MAPK11: variants seen among roughly 807,000 people sequenced by gnomAD.
MAPK11 encodes the protein MAP kinase 11.
In MAPK11, 44 loss-of-function variants were observed where a neutral mutation model predicts 52.2. The observed-to-expected ratio is 0.84, with a 90% CI of 0.66 to 1.08. The LOEUF is 1.08. MAPK11 is among the 50% of genes least tolerant of loss of function. The pLI is 0.00. For missense variants in MAPK11, 436 were observed against 494.7 expected, an observed-to-expected ratio of 0.88 and a Z score of 1.13; for synonymous variants, 233 against 206.3, an observed-to-expected ratio of 1.13 and a Z score of -1.11.
intron 2 of MAPK11, 90 bp downstream of exon 2, chr22:50,267,730 G>T: frequency 1.1e-6 from 1 of 941,010 alleles, no homozygotes. Context: ...CTGTGTCCCC[G>T]CCCCCATCGC....
chr22:50,267,648 G>A (rs2065275308), intron 2 of MAPK11, 21 bp from the exon 3 acceptor site: 1 of 1,524,612 alleles, frequency 6.6e-7, no homozygotes, highest in Non-Finnish European at 8.8e-7. Flanking sequence ...GGGGGCGTCA[G>A]GGCCGGGCGA....
chr22:50,267,221 T>A, intron 5 of MAPK11, 36 bp downstream of exon 5: 10 of 1,609,172 alleles, frequency 6.2e-6, no homozygotes, highest in Middle Eastern at 1.7e-4. Flanking sequence ...GACGGAGCCC[T>A]GCTGGACCCG....
At position 50,270,029 on chromosome 22, in the gene MAPK11, C is replaced by G. The variant is rs543314376; in HGVS notation, c.116+148G>C. 1,656 of 356,400 alleles carry G rather than the reference C, an allele frequency of 4.6e-3. 82 individuals carry two copies. The Admixed American group carries it at 0.065, about 14-fold the overall frequency. 22.1% of individuals were successfully genotyped at this position (356,400 alleles called of 1,614,324 possible). ...TCTTTACGCCGCCACCCCCGCCCCC[C>G]CATTCATTCCTCAGATCCGCTTGGC... is the stretch of plus-strand genomic sequence containing the variant. On this transcript the variant is annotated intron_variant, in intron 1 of 11. Transcript: ENST00000330651. The surrounding 1 kb of genome is among the most constrained non-coding windows in gnomAD (Gnocchi z 6.3).
rs1170493113 is a variant in MAPK11 at position 50,270,333 on chromosome 22, CCCCGCGCCCGCG to C, written c.-53_-42del. ...CGCTCCGCCCGGGCCCAGCCCCGCG[CCCCGCGCCCGCG>C]CCCGAGCCGAGCCCGAGCCGAGCGG... On this transcript the variant is annotated 5_prime_UTR_variant, in exon 1 of 12. Coordinates refer to ENST00000330651, the MANE Select transcript of MAPK11 (RefSeq NM_002751.7). The surrounding 1 kb of genome is among the most constrained non-coding windows in gnomAD (Gnocchi z 6.3). The C allele has an allele frequency of 3.3e-6, 3 of 916,430 alleles. No individual in the cohort carries two copies. Among genetic ancestry groups the C allele is most frequent in the East Asian group, 4.8e-5 (1 of 20,766 alleles). The allele number at this position is 916,430 out of a possible 1,614,324, so 56.8% of individuals were successfully genotyped here. A position where few individuals can be genotyped will look rare whatever the true frequency, so the allele number is the denominator to read the frequency against.
Position 50,267,868 on chromosome 22 carries a change from G to GGAT in MAPK11, c.197_198insATC (p.Arg66_Arg67insSer). 2 of 1,589,272 alleles carry GGAT rather than the reference G, an allele frequency of 1.3e-6. No individual in the cohort carries two copies. Among genetic ancestry groups the GGAT allele is most frequent in the Non-Finnish European group, 1.7e-6 (2 of 1,170,430 alleles). On this transcript the variant is annotated inframe_insertion, in exon 2 of 12. Coordinates refer to ENST00000330651, the MANE Select transcript of MAPK11 (RefSeq NM_002751.7). ...GCAGCCGCAGCTCCCGGTACGTTCT[G>GGAT]CGCGCGTGGATCAGCGACTGGAAGG... is the stretch of plus-strand genomic sequence containing the variant.
At chr22:50,266,490 T>C in intron 8 of MAPK11, 50 bp downstream of exon 8, 1 of 1,493,500 alleles carries the variant, frequency 6.7e-7, no homozygotes, top group Non-Finnish European at 9.0e-7. Flanking sequence ...GTCCCTACCC[T>C]ACAGGAGGGG....
intron 1 of MAPK11, 68 bp from the exon 2 acceptor site, chr22:50,268,017 G>A: frequency 7.0e-7 from 1 of 1,433,106 alleles, no homozygotes; most frequent in Non-Finnish European, 9.1e-7. Context: ...GTGGACCCGG[G>A]CGGCGTCCCT....
rs896590068 is a variant in MAPK11, at chr22:50,266,980, G to A, written c.564C>T (p.Tyr188=). 12 of 1,612,274 alleles carry A rather than the reference G, an allele frequency of 7.4e-6. No homozygotes were observed. The highest frequency in any genetic ancestry group is 9.3e-6 in the Non-Finnish European group (11 of 1,179,964). ...AGTTGAGCATGATCTCAGGTGCCCG[G>A]TACCAGCGCGTGGCCACATAGCCGG... The part of the protein sequence containing the change: ...EMTGYVATRW[Y]RAPEIMLNWM... Residue 188 remains tyrosine (Y), a synonymous_variant, in exon 7 of 12, where the codon TAC becomes TAT. Transcript: ENST00000330651.
In MAPK11 at chr22:50,264,795, A is replaced by G. The variant is rs963087406; in HGVS notation, c.*153T>C. The stretch of plus-strand genomic sequence containing the variant: ...TACACACATGTTTGTGCATGCATAC[A>G]TGCGTGTAGATTCTCCTGAAGGCGA... On this transcript the variant is annotated 3_prime_UTR_variant, in exon 12 of 12. Coordinates refer to ENST00000330651, the MANE Select transcript of MAPK11 (RefSeq NM_002751.7). 8.3e-6 allele frequency: 5 copies of G among 603,632 alleles called. No individual in the cohort carries two copies. Among genetic ancestry groups the G allele is most frequent in the Non-Finnish European group, 1.5e-5 (5 of 339,680 alleles). The allele number at this position is 603,632 out of a possible 1,614,324, so 37.4% of individuals were successfully genotyped here.
rs201120066 is a variant in MAPK11 at position 50,264,959 on chromosome 22, T to C, written c.1084A>G (p.Ile362Val). 187 of 1,611,786 alleles carry C rather than the reference T, an allele frequency of 1.2e-4. No homozygotes were observed. Among genetic ancestry groups the C allele is most frequent in the Admixed American group, 9.2e-4 (55 of 59,816 alleles). ...TGCTGGGCAGCACCTCACTGCTCAA[T>C]CTCCAGGCTGCCAGGTGGCTTCGGT... ...EPPKPPGSLE[I>V]EQ The change falls in exon 12 of 12, where the codon ATT becomes GTT. Residue 362 changes from isoleucine (I) to valine (V), a missense_variant. Ile to Val is a conservative substitution (Grantham distance 29, BLOSUM62 3). Coordinates refer to ENST00000330651, the MANE Select transcript of MAPK11 (RefSeq NM_002751.7).
At chr22:50,266,429 C>T in intron 8 of MAPK11, 111 bp downstream of exon 8, 1 of 1,384,406 alleles carries the variant, frequency 7.2e-7, no homozygotes, top group Non-Finnish European at 9.9e-7. Flanking sequence ...CCCAAAGTAG[C>T]ATAGCATGGG....
Position 50,265,436 on chromosome 22 carries a change from A to G in MAPK11, c.900T>C (p.Ala300=). The G allele has an allele frequency of 6.2e-7, 1 of 1,613,096 alleles. No individual in the cohort carries two copies. The highest frequency in any genetic ancestry group is 8.5e-7 in the Non-Finnish European group (1 of 1,179,980). The part of the protein sequence containing the change: ...VLDSDQRVSA[A]EALAHAYFSQ... ...TGAAGTAGGCGTGGGCCAGTGCCTC[A>G]GCTGCACTGACCCTCTGGTCACTGT... Residue 300 remains alanine, a synonymous_variant, in exon 11 of 12, where the codon GCT becomes GCC. Transcript: ENST00000330651.
chr22:50,269,963 G>C (rs1247363817), intron 1 of MAPK11, among the ~76,000 whole-genome samples: 3 of 152,124 alleles, frequency 2.0e-5, no homozygotes, highest in African/African-American at 7.2e-5. Context: ...GAGGCCGGAG[G>C]ACCCCCCTCC....
rs2065296346 is a variant in MAPK11 at position 50,270,077 on chromosome 22, AG to A, written c.116+99del. Reference sequence around the variant, plus strand: ...GGCGCCCGGGGGCGGAGGCAGGGCGAGGCCCCTCCCCACGCCGAGAACCTCG... The same window carrying A: ...GGCGCCCGGGGGCGGAGGCAGGGCGAGCCCCTCCCCACGCCGAGAACCTCG... On this transcript the variant is annotated intron_variant, in intron 1 of 11. Transcript: ENST00000330651. The surrounding 1 kb of genome is among the most constrained non-coding windows in gnomAD (Gnocchi z 6.3). The A allele has an allele frequency of 2.8e-6, 1 of 357,886 alleles. No individual in the cohort carries two copies. Among genetic ancestry groups the A allele is most frequent in the Non-Finnish European group, 4.5e-6 (1 of 224,612 alleles). 22.2% of individuals were successfully genotyped at this position (357,886 alleles called of 1,614,324 possible).
Position 50,270,351 on chromosome 22 carries a change from G to GCCGAGC in MAPK11, c.-65_-60dup, listed in dbSNP as rs1368377124. The stretch of plus-strand genomic sequence containing the variant: ...CCCCGCGCCCCGCGCCCGCGCCCGA[G>GCCGAGC]CCGAGCCCGAGCCGAGCGGAGCGGA... On this transcript the variant is annotated 5_prime_UTR_variant, in exon 1 of 12. Transcript: ENST00000330651. The surrounding 1 kb of genome is among the most constrained non-coding windows in gnomAD (Gnocchi z 6.3). The GCCGAGC allele has an allele frequency of 2.9e-6, 2 of 682,054 alleles. No individual in the cohort carries two copies. The highest frequency in any genetic ancestry group is 3.9e-5 in the African/African-American group (2 of 50,808). The allele number at this position is 682,054 out of a possible 1,614,324, so 42.3% of individuals were successfully genotyped here.
chr22:50,270,111 G>C lies in MAPK11; in HGVS notation c.116+66C>G. ...CCCACGCCGAGAACCTCGCGCGGGC[G>C]AGGAGGGGACGCGCTCTCCGGCCCG... is the stretch of plus-strand genomic sequence containing the variant. On this transcript the variant is annotated intron_variant, in intron 1 of 11. Transcript: ENST00000330651. The surrounding 1 kb of genome is among the most constrained non-coding windows in gnomAD (Gnocchi z 6.3). The C allele has an allele frequency of 1.2e-6, 1 of 826,702 alleles. No homozygotes were observed. The highest frequency in any genetic ancestry group is 1.7e-6 in the Non-Finnish European group (1 of 600,134). The allele number at this position is 826,702 out of a possible 1,614,324, so 51.2% of individuals were successfully genotyped here.
At chr22:50,266,435 A>G (rs2065262485) in intron 8 of MAPK11, 105 bp downstream of exon 8, 1 of 1,383,704 alleles carries the variant, frequency 7.2e-7, no homozygotes, top group Non-Finnish European at 9.9e-7. Flanking sequence ...GTAGCATAGC[A>G]TGGGGGGCAG....
At chr22:50,267,793 T>A in intron 2 of MAPK11, 27 bp downstream of exon 2, 53 of 1,013,496 alleles carry the variant, frequency 5.2e-5, no homozygotes, top group Non-Finnish European at 6.7e-5. Flanking sequence ...GCACGCGCCC[T>A]CCCCCCACGG....
rs764349580 is a variant in MAPK11, at chr22:50,265,480, C to T, written c.856G>A (p.Gly286Arg). Residue 286 changes from glycine (G) to arginine (R), a missense_variant, in exon 11 of 12, where the codon GGA becomes AGA. Physicochemically the swap from Gly to Arg is moderately radical, Grantham distance 125. Coordinates refer to ENST00000330651, the MANE Select transcript of MAPK11 (RefSeq NM_002751.7). ...GANPLAIDLL[G>R]RMLVLDSDQR... ...TCACTGTCCAGCACCAGCATCCTTC[C>T]AAGGAGGTCTATGGCTGCAGGGAAG... is the stretch of plus-strand genomic sequence containing the variant. The T allele has an allele frequency of 1.2e-5, 19 of 1,613,124 alleles. No individual in the cohort carries two copies. The highest frequency in any genetic ancestry group is 1.6e-5 in the Non-Finnish European group (19 of 1,179,982).
Sources: allele counts gnomAD v4.1 joint callset (sites outside exome capture counted in the v4.1 genomes callset), GRCh38; gene constraint gnomAD v4.1.1; non-coding constraint Gnocchi (gnomAD v3.1); transcripts MANE v1.5; gene names NCBI Gene and HGNC (gene_info 2026-07-23, HGNC 2026-07-21).